SIMC1: variants seen among roughly 807,000 people sequenced by gnomAD.
The protein encoded by SIMC1 is SUMO-interacting motif-containing protein 1.
SIMC1 carries 55 observed loss-of-function variants against 82.3 expected under a neutral mutation model. The observed-to-expected ratio is 0.67, with a 90% CI of 0.54 to 0.84. SIMC1 has a LOEUF of 0.84. Among genes scored for constraint, SIMC1 ranks in the 40% least tolerant of loss-of-function variants. The probability of loss-of-function intolerance (pLI) is 0.00; values close to 1 mark genes in which losing one functional copy is unlikely to be tolerated. For synonymous variants in SIMC1, 353 were observed against 426.3 expected, an observed-to-expected ratio of 0.83 and a Z score of 2.12; for missense variants, 915 against 1,107.2, an observed-to-expected ratio of 0.83 and a Z score of 2.46.
intron 4 of SIMC1, among the ~76,000 whole-genome samples, chr5:176,306,122 G>A (rs1764364300): frequency 1.3e-5 from 1 of 77,654 alleles, no homozygotes; most frequent in East Asian, 4.2e-4. Context: ...GAAGTGAGGA[G>A]CCCCTCTGCC....
chr5:176,282,258 G>A (rs1763046169), intron 1 of SIMC1, among the ~76,000 whole-genome samples: 1 of 152,210 alleles, frequency 6.6e-6, no homozygotes, highest in African/African-American at 2.4e-5. Context: ...TAATCTCCTG[G>A]TGCGCCCTTT....
At chr5:176,259,389 G>A (rs943457873) in intron 1 of SIMC1, among the ~76,000 whole-genome samples, 6 of 152,082 alleles carry the variant, frequency 3.9e-5, no homozygotes, top group African/African-American at 1.4e-4. Context: ...GGCAGAGGTT[G>A]CAGTGAGCCA....
At position 176,345,493 on chromosome 5, in the gene SIMC1, C is replaced by T. The variant is rs377707182; in HGVS notation, c.*48C>T. 3.4e-5 allele frequency: 53 copies of T among 1,559,500 alleles called. No individual in the cohort carries two copies. Among genetic ancestry groups the T allele is most frequent in the Non-Finnish European group, 4.2e-5 (49 of 1,154,600 alleles). On this transcript the variant is annotated 3_prime_UTR_variant, in exon 10 of 10. Coordinates refer to ENST00000429602, the MANE Select transcript of SIMC1 (RefSeq NM_001308195.2). ...CAAGAATACCTCCTGAACTCTCTCT[C>T]CAACTGCTCAGAAGCTCTAAAAGCA...
chr5:176,345,203 A>T lies in SIMC1; in HGVS notation c.2434A>T (p.Ile812Phe). The change falls in exon 10 of 10, where the codon ATC becomes TTC. Residue 812 changes from isoleucine (I) to phenylalanine (F), a missense_variant. Ile to Phe is a conservative substitution (Grantham distance 21). Around this residue, in one of 2 missense-constraint regions of SIMC1, gnomAD observed 902 missense variants for 1,040.3 expected, o/e 0.87. Coordinates refer to ENST00000429602, the MANE Select transcript of SIMC1 (RefSeq NM_001308195.2). ...TGCAGAACACTTAAGGAGTTCCGTG[A>T]TCGACCGAAAGGACTTAATAATCAA... is the stretch of plus-strand genomic sequence containing the variant. ...VLREHLRSSV[I>F]DRKDLIIKRI... The T allele has an allele frequency of 6.2e-7, 1 of 1,613,932 alleles. No homozygotes were observed. Among genetic ancestry groups the T allele is most frequent in the Non-Finnish European group, 8.5e-7 (1 of 1,179,858 alleles).
At chr5:176,246,899 G>A (rs1231945300) in intron 1 of SIMC1, among the ~76,000 whole-genome samples, 1 of 151,980 alleles carries the variant, frequency 6.6e-6, no homozygotes, top group Non-Finnish European at 1.5e-5. Context: ...TGAGAATGAT[G>A]GTTTCCAGCT....
intron 7 of SIMC1, among the ~76,000 whole-genome samples, chr5:176,333,634 T>G (rs1765765386): frequency 6.6e-6 from 1 of 152,188 alleles, no homozygotes; most frequent in African/African-American, 2.4e-5. Context: ...TTCACCGTGT[T>G]GGCCAGGCTG....
At chr5:176,245,010 C>T (rs1457590592) in intron 1 of SIMC1, among the ~76,000 whole-genome samples, 10 of 152,094 alleles carry the variant, frequency 6.6e-5, no homozygotes, top group African/African-American at 1.9e-4. Flanking sequence ...CATGAGCCAC[C>T]GCACCCGGCC....
chr5:176,255,103 A>C (rs1199248322), intron 1 of SIMC1, among the ~76,000 whole-genome samples: 15 of 144,304 alleles, frequency 1.0e-4, no homozygotes, highest in Middle Eastern at 8.1e-3. Flanking sequence ...ATGGTGAAAC[A>C]CTGTCTTTAC....
intron 1 of SIMC1, among the ~76,000 whole-genome samples, chr5:176,259,056 GAACATTTACTTCACTCCA>G (rs1377835375): frequency 8.6e-5 from 13 of 151,806 alleles, no homozygotes; most frequent in African/African-American, 2.7e-4. Context: ...TCTAATTTTA[GAACATTTACTTCACTCCA>G]GAAGGAAACC....
chr5:176,308,285 C>T, intron 4 of SIMC1: 3 of 1,469,802 alleles, frequency 2.0e-6, no homozygotes, highest in South Asian at 2.3e-5. Flanking sequence ...TGTTCACATT[C>T]GTTCTGTCAT....
chr5:176,261,046 A>G (rs1253908169), intron 1 of SIMC1: 1 of 151,614 alleles, frequency 6.6e-6, no homozygotes, highest in Non-Finnish European at 1.5e-5. Flanking sequence ...TTGCTGTGTC[A>G]CTCAGGCTGG....
chr5:176,271,901 C>A (rs1267951973), intron 1 of SIMC1, among the ~76,000 whole-genome samples: 1 of 122,622 alleles, frequency 8.2e-6, no homozygotes, highest in African/African-American at 3.0e-5. Context: ...AATTATTATA[C>A]ATTAGTATAT....
At chr5:176,275,999 G>T (rs1008445715) in intron 1 of SIMC1, among the ~76,000 whole-genome samples, 8 of 151,632 alleles carry the variant, frequency 5.3e-5, no homozygotes, top group Non-Finnish European at 8.8e-5. Context: ...AATGAGTTAG[G>T]GAGGATTCCC....
intron 5 of SIMC1, among the ~76,000 whole-genome samples, chr5:176,315,950 A>G (rs1764883412): frequency 6.6e-6 from 1 of 152,090 alleles, no homozygotes; most frequent in Non-Finnish European, 1.5e-5. Context: ...CAAGGCGGGC[A>G]GATCACCTGA....
intron 5 of SIMC1, among the ~76,000 whole-genome samples, chr5:176,316,573 C>T (rs1419304671): frequency 6.6e-6 from 1 of 151,514 alleles, no homozygotes; most frequent in Non-Finnish European, 1.5e-5. Flanking sequence ...CCTGTAATCC[C>T]AGCTACTTGA....
At chr5:176,320,526 G>A (rs1284229329) in intron 5 of SIMC1, among the ~76,000 whole-genome samples, 2 of 151,778 alleles carry the variant, frequency 1.3e-5, no homozygotes, top group Non-Finnish European at 2.9e-5. Flanking sequence ...GTGCCACCAC[G>A]CCCTGCTAAT....
At chr5:176,292,787 C>T (rs1189290174) in intron 2 of SIMC1, among the ~76,000 whole-genome samples, 2 of 152,158 alleles carry the variant, frequency 1.3e-5, no homozygotes, top group Non-Finnish European at 1.5e-5. Context: ...GTGATCCGCC[C>T]ACCTCGGCCT....
At position 176,279,752 on chromosome 5, in the gene SIMC1, A is replaced by C. The variant is rs554218335; in HGVS notation, c.130-9902A>C. ...ATGTACCCAGTAGTCATTCAGGAGCAGGTTGTTCAGTTTCCATGTAGTTGA... is the reference window on the plus strand; with the variant it reads ...ATGTACCCAGTAGTCATTCAGGAGCCGGTTGTTCAGTTTCCATGTAGTTGA... On this transcript the variant is annotated intron_variant, in intron 1 of 9. Transcript: ENST00000429602. 1.6e-3 allele frequency among the ~76,000 whole-genome samples: 236 copies of C among 151,542 alleles called. 1 individual carries two copies. Among genetic ancestry groups the C allele is most frequent in the African/African-American group, 5.5e-3 (226 of 41,306 alleles).
chr5:176,325,048 T>G (rs1446062121), intron 7 of SIMC1, among the ~76,000 whole-genome samples: 1 of 152,200 alleles, frequency 6.6e-6, no homozygotes, highest in Non-Finnish European at 1.5e-5. Flanking sequence ...TTTTCTAACC[T>G]TATCAATTTG....
Sources: gnomAD v4.1 joint callset for allele counts (sites outside exome capture counted in the v4.1 genomes callset) on GRCh38, gnomAD v4.1.1 for gene constraint, gnomAD v4.1.1 regional missense constraint, MANE v1.5 for transcripts, NCBI Gene and HGNC (gene_info 2026-07-23, HGNC 2026-07-21) for gene names.